SLC4A10: variants seen among roughly 807,000 people sequenced by gnomAD.
SLC4A10 encodes solute carrier family 4 member 10.
A neutral mutation model predicts 137.7 loss-of-function variants in SLC4A10; 42 were observed. The ratio of observed to expected loss-of-function variants is 0.30; its 90% confidence interval spans 0.24 to 0.39. The LOEUF (loss-of-function observed/expected upper bound fraction) is 0.39. Among genes scored for constraint, SLC4A10 ranks in the 10% least tolerant of loss-of-function variants. The pLI is 1.00. For missense variants in SLC4A10, 925 were observed against 1,355.0 expected (o/e 0.68, Z 4.98); for synonymous variants, 474 against 464.1 (o/e 1.02, Z -0.27).
intron 1 of SLC4A10, among the ~76,000 whole-genome samples, chr2:161,642,133 C>T (rs910324454): frequency 2.6e-5 from 4 of 151,918 alleles, no homozygotes; most frequent in Non-Finnish European, 5.9e-5. Flanking sequence ...GGTAGCATGG[C>T]CTGGTATAGA....
chr2:161,663,004 C>T (rs867755306), intron 1 of SLC4A10, among the ~76,000 whole-genome samples: 3 of 152,160 alleles, frequency 2.0e-5, no homozygotes, highest in East Asian at 1.9e-4. Flanking sequence ...TGTCCACCCC[C>T]CTTCCCCCAA....
At position 161,678,276 on chromosome 2, in the gene SLC4A10, A is replaced by G. The variant is rs573377897; in HGVS notation, c.48+53710A>G. Among the ~76,000 whole-genome samples, 11 of 152,278 alleles carry G rather than the reference A, an allele frequency of 7.2e-5. No individual in the cohort carries two copies. In the South Asian group the frequency reaches 2.1e-3, roughly 29 times the overall value. ...ATTTGAACTCAGAAGACTTCTGAAT[A>G]TCTCCTAAGAGATAAACAAAATGCT... On this transcript the variant is annotated intron_variant, in intron 1 of 26. Coordinates refer to ENST00000446997, the MANE Select transcript of SLC4A10 (RefSeq NM_001178015.2).
rs187943817 is a variant in SLC4A10 at position 161,911,677 on chromosome 2, T to C, written c.1997+5790T>C. On this transcript the variant is annotated intron_variant, in intron 15 of 26. Transcript: ENST00000446997. ...TTCACTAGATTAATCTTCATAATGG[T>C]AAATCATGGCTATTAGGCAGATCTA... is the stretch of plus-strand genomic sequence containing the variant. Among the ~76,000 whole-genome samples the C allele has an allele frequency of 1.3e-5, 2 of 152,246 alleles. 1 individual carries two copies. The highest frequency in any genetic ancestry group is 3.9e-4 in the East Asian group (2 of 5,178).
chr2:161,725,671 G>A (rs1332973682), intron 1 of SLC4A10, among the ~76,000 whole-genome samples: 1 of 152,106 alleles, frequency 6.6e-6, no homozygotes, highest in Non-Finnish European at 1.5e-5. Context: ...GTAATCATTT[G>A]AGATGTCTAA....
intron 8 of SLC4A10, among the ~76,000 whole-genome samples, chr2:161,875,490 A>G (rs1432112330): frequency 1.3e-5 from 2 of 152,292 alleles, no homozygotes; most frequent in East Asian, 1.9e-4. Flanking sequence ...CTTCCAGTGG[A>G]TAGACGTATC....
In SLC4A10 at chr2:161,762,186, T is replaced by C. The variant is rs917237126; in HGVS notation, c.49-8787T>C. ...TTAGAAGAAATATATTTTATATGAT[T>C]TACTTAATGCAGTAGATGAAACAGA... On this transcript the variant is annotated intron_variant, in intron 1 of 26. Coordinates refer to ENST00000446997, the MANE Select transcript of SLC4A10 (RefSeq NM_001178015.2). Among the ~76,000 whole-genome samples, 4 of 152,272 alleles carry C rather than the reference T, an allele frequency of 2.6e-5. No individual in the cohort carries two copies. In the East Asian group the frequency reaches 7.7e-4, roughly 29 times the overall value.
At chr2:161,849,856 A>G (rs964541840) in intron 4 of SLC4A10, among the ~76,000 whole-genome samples, 3 of 152,134 alleles carry the variant, frequency 2.0e-5, no homozygotes, top group African/African-American at 7.2e-5. Flanking sequence ...ATTGGTCTGA[A>G]GATTTTTGTT....
chr2:161,907,431 T>A (rs945111192), intron 15 of SLC4A10, among the ~76,000 whole-genome samples: 4 of 152,216 alleles, frequency 2.6e-5, no homozygotes, highest in Non-Finnish European at 5.9e-5. Context: ...TATCTCTGGT[T>A]GGATTTTCAA....
chr2:161,721,514 C>G (rs1242576358), intron 1 of SLC4A10, among the ~76,000 whole-genome samples: 1 of 152,136 alleles, frequency 6.6e-6, no homozygotes, highest in East Asian at 1.9e-4. Context: ...ATATTGGCCC[C>G]CAGTCTCTGC....
intron 3 of SLC4A10, among the ~76,000 whole-genome samples, chr2:161,811,691 T>A (rs956256747): frequency 6.6e-6 from 1 of 152,090 alleles, no homozygotes; most frequent in African/African-American, 2.4e-5. Flanking sequence ...AGGGAAAATA[T>A]ATCATCAGAA....
chr2:161,948,004 C>T (rs1378352288), intron 17 of SLC4A10, among the ~76,000 whole-genome samples: 2 of 152,122 alleles, frequency 1.3e-5, no homozygotes, highest in East Asian at 3.9e-4. Context: ...CTGATTGTCA[C>T]TTTTTTGCCC....
At chr2:161,809,557 G>A (rs977089968) in intron 3 of SLC4A10, among the ~76,000 whole-genome samples, 12 of 152,054 alleles carry the variant, frequency 7.9e-5, no homozygotes, top group African/African-American at 2.9e-4. Flanking sequence ...TTTGTATATG[G>A]TGAAAAGTAG....
chr2:161,923,973 CCTGG>C (rs1041841594), intron 15 of SLC4A10, among the ~76,000 whole-genome samples: 1 of 152,004 alleles, frequency 6.6e-6, no homozygotes, highest in Non-Finnish European at 1.5e-5. Context: ...ACATAGGAAA[CCTGG>C]CTGGAGACCT....
chr2:161,636,360 A>G (rs375918181), intron 1 of SLC4A10, among the ~76,000 whole-genome samples: 1 of 151,942 alleles, frequency 6.6e-6, no homozygotes, highest in Admixed American at 6.6e-5. Flanking sequence ...TTGAGTGTGT[A>G]TATTACATTT....
intron 15 of SLC4A10, among the ~76,000 whole-genome samples, chr2:161,924,072 T>C (rs1688635479): frequency 6.6e-6 from 1 of 152,168 alleles, no homozygotes; most frequent in Admixed American, 6.5e-5. Context: ...TCACTAGAAA[T>C]TATTTTTGAT....
At chr2:161,795,757 A>G (rs1371864501) in intron 2 of SLC4A10, among the ~76,000 whole-genome samples, 1 of 152,156 alleles carries the variant, frequency 6.6e-6, no homozygotes, top group Non-Finnish European at 1.5e-5. Context: ...GATTGCAGCG[A>G]TTTTGTGAAG....
chr2:161,737,498 A>C (rs998060610), intron 1 of SLC4A10, among the ~76,000 whole-genome samples: 20 of 150,956 alleles, frequency 1.3e-4, no homozygotes, highest in African/African-American at 4.9e-4. Context: ...TAATCACTTG[A>C]GATTTTTATT....
rs578098992 is a variant in SLC4A10, at chr2:161,665,518, T to G, written c.48+40952T>G. On this transcript the variant is annotated intron_variant, in intron 1 of 26. Transcript: ENST00000446997. ...GGAAAAAACAAGATAGGTGAAGTCC[T>G]GTGGAAAAAAAAGCATATTTGAATA... Among the ~76,000 whole-genome samples, 31 of 151,732 alleles carry G rather than the reference T, an allele frequency of 2.0e-4. No individual in the cohort carries two copies. The South Asian group carries it at 6.2e-3, about 30-fold the overall frequency.
chr2:161,767,241 T>C (rs1245414394), intron 1 of SLC4A10, among the ~76,000 whole-genome samples: 2 of 141,954 alleles, frequency 1.4e-5, no homozygotes, highest in African/African-American at 5.1e-5. Context: ...TACACATATA[T>C]ATATATATAT....
Sources: gnomAD v4.1 joint callset for allele counts (sites outside exome capture counted in the v4.1 genomes callset) on GRCh38, gnomAD v4.1.1 for gene constraint, MANE v1.5 for transcripts, NCBI Gene and HGNC (gene_info 2026-07-23, HGNC 2026-07-21) for gene names.